OPCML: variants seen among roughly 807,000 people sequenced by gnomAD.
OPCML encodes opioid-binding protein/cell adhesion molecule.
Under a neutral mutation model 37.8 loss-of-function variants are expected in OPCML, and 13 were observed. The observed-to-expected ratio is 0.34, with a 90% CI of 0.22 to 0.55. The LOEUF (loss-of-function observed/expected upper bound fraction) is 0.55, where lower values mean the gene tolerates loss of function less well. OPCML is among the 20% of genes least tolerant of loss of function. OPCML has a pLI of 0.91. For synonymous variants in OPCML, 176 were observed against 168.8 expected (o/e 1.04, Z -0.33); for missense variants, 341 against 435.6 (o/e 0.78, Z 1.93).
intron 1 of OPCML, among the ~76,000 whole-genome samples, chr11:133,128,190 A>G (rs1949546020): frequency 6.6e-6 from 1 of 152,138 alleles, no homozygotes; most frequent in African/African-American, 2.4e-5. Context: ...AACTGATGGA[A>G]TAAAGGAACT....
intron 2 of OPCML, among the ~76,000 whole-genome samples, chr11:132,924,263 G>A (rs894613136): frequency 2.0e-5 from 3 of 151,982 alleles, no homozygotes; most frequent in Non-Finnish European, 4.4e-5. Flanking sequence ...AGTGGGGTGC[G>A]GCATTATCAG....
chr11:132,484,575 C>T (rs1352591458), intron 4 of OPCML, among the ~76,000 whole-genome samples: 1 of 152,152 alleles, frequency 6.6e-6, no homozygotes, highest in Non-Finnish European at 1.5e-5. Context: ...TGGGTATATA[C>T]CCAAAGGACT....
intron 1 of OPCML, among the ~76,000 whole-genome samples, chr11:133,229,619 T>C (rs1592125009): frequency 6.6e-6 from 1 of 152,054 alleles, no homozygotes; most frequent in Non-Finnish European, 1.5e-5. Context: ...TATGCTGAGG[T>C]TACCAAGATC....
chr11:133,480,076 A>C (rs1468161005), intron 1 of OPCML, among the ~76,000 whole-genome samples: 5 of 152,212 alleles, frequency 3.3e-5, no homozygotes, highest in Non-Finnish European at 5.9e-5. Flanking sequence ...CAAGACACAC[A>C]GTGCTCTGGG....
chr11:132,800,096 C>A (rs1160627883), intron 2 of OPCML, among the ~76,000 whole-genome samples: 1 of 152,066 alleles, frequency 6.6e-6, no homozygotes, highest in Non-Finnish European at 1.5e-5. Context: ...TCTTTAATTT[C>A]TTTCAATAAT....
At chr11:133,316,317 T>G (rs969426435) in intron 1 of OPCML, among the ~76,000 whole-genome samples, 5 of 152,138 alleles carry the variant, frequency 3.3e-5, no homozygotes, top group African/African-American at 1.2e-4. Context: ...AATCTAGATA[T>G]TCACAGAAAG....
chr11:133,081,671 A>G (rs1948718891), intron 1 of OPCML, among the ~76,000 whole-genome samples: 1 of 152,156 alleles, frequency 6.6e-6, no homozygotes, highest in South Asian at 2.1e-4. Context: ...GGATCCTGCT[A>G]CTGGACCTAA....
intron 1 of OPCML, among the ~76,000 whole-genome samples, chr11:133,463,664 C>T (rs529200194): frequency 6.6e-6 from 1 of 152,276 alleles, no homozygotes; most frequent in African/African-American, 2.4e-5. Context: ...TCTCAATAAA[C>T]ATCTTCATTC....
At chr11:132,547,739 GT>G (rs1462761335) in intron 3 of OPCML, among the ~76,000 whole-genome samples, 1 of 152,150 alleles carries the variant, frequency 6.6e-6, no homozygotes, top group East Asian at 1.9e-4. Context: ...CATCAAGGGG[GT>G]GGAGGGGAAA....
chr11:133,185,978 T>C (rs1225237640), intron 1 of OPCML, among the ~76,000 whole-genome samples: 1 of 152,252 alleles, frequency 6.6e-6, no homozygotes, highest in Non-Finnish European at 1.5e-5. Flanking sequence ...ATTCCATATG[T>C]ACTTATTCCA....
At chr11:133,417,157 A>C (rs1172796831) in intron 1 of OPCML, among the ~76,000 whole-genome samples, 2 of 152,276 alleles carry the variant, frequency 1.3e-5, no homozygotes, top group East Asian at 3.9e-4. Context: ...ATAAGTAAAC[A>C]TTAAGAGAGT....
At chr11:132,615,346 C>T (rs1480583278) in intron 3 of OPCML, among the ~76,000 whole-genome samples, 1 of 152,132 alleles carries the variant, frequency 6.6e-6, no homozygotes, top group Non-Finnish European at 1.5e-5. Context: ...CTTGGGAAAA[C>T]TGCTTCTTGT....
At chr11:133,218,379 G>T (rs1233996825) in intron 1 of OPCML, among the ~76,000 whole-genome samples, 4 of 152,278 alleles carry the variant, frequency 2.6e-5, no homozygotes, top group African/African-American at 2.4e-5. Context: ...GGCAGTAAAC[G>T]TTAAGTGATC....
intron 1 of OPCML, among the ~76,000 whole-genome samples, chr11:133,492,221 C>T (rs1947679002): frequency 6.6e-6 from 1 of 152,190 alleles, no homozygotes; most frequent in South Asian, 2.1e-4. Context: ...AGAGCTACAG[C>T]AGAGCTAGGA....
At chr11:133,138,015 AT>A (rs1404583527) in intron 1 of OPCML, among the ~76,000 whole-genome samples, 1 of 152,142 alleles carries the variant, frequency 6.6e-6, no homozygotes, top group Non-Finnish European at 1.5e-5. Context: ...TTAAAATTTG[AT>A]TCCCAATGTG....
chr11:132,471,211 T>G (rs79656351), intron 4 of OPCML, among the ~76,000 whole-genome samples: 2,578 of 152,184 alleles, frequency 0.017, 34 homozygotes, highest in Non-Finnish European at 0.027. Flanking sequence ...AAAACACAGC[T>G]GGGAGGAGGG....
intron 1 of OPCML, among the ~76,000 whole-genome samples, chr11:133,034,291 G>A (rs977152303): frequency 3.6e-5 from 5 of 140,092 alleles, no homozygotes; most frequent in Non-Finnish European, 6.2e-5. Context: ...AACCAGAAGA[G>A]TAGCTCTGTA....
At chr11:133,384,265 AGAAAAG>A (rs1252803416) in intron 1 of OPCML, among the ~76,000 whole-genome samples, 621 of 37,004 alleles carry the variant, frequency 0.017, 8 homozygotes, top group African/African-American at 0.054. Context: ...AAAAAAAAAA[AGAAAAG>A]AAAAGAAAAG....
chr11:132,958,908 T>C (rs988353307), intron 1 of OPCML, among the ~76,000 whole-genome samples: 1 of 152,348 alleles, frequency 6.6e-6, no homozygotes, highest in Non-Finnish European at 1.5e-5. Flanking sequence ...ATGAATGTTG[T>C]TTTCATGCCT....
Sources: gnomAD v4.1 joint callset for allele counts (sites outside exome capture counted in the v4.1 genomes callset) on GRCh38, gnomAD v4.1.1 for gene constraint, MANE v1.5 for transcripts, NCBI Gene and HGNC (gene_info 2026-07-23, HGNC 2026-07-21) for gene names.